Variants in ARHGEF10L observed in about 807,000 individuals in gnomAD.
ARHGEF10L encodes the protein rho guanine nucleotide exchange factor 10-like protein.
Under a neutral mutation model 141.2 loss-of-function variants are expected in ARHGEF10L, and 69 were observed. The ratio of observed to expected loss-of-function variants is 0.49; its 90% CI spans 0.40 to 0.60. ARHGEF10L has a LOEUF of 0.60. Ranked by LOEUF, ARHGEF10L falls within the 20% of genes least tolerant of loss-of-function variation. The pLI, the probability that ARHGEF10L is intolerant of heterozygous loss-of-function variation, is 0.00. For synonymous variants in ARHGEF10L, 711 were observed against 718.5 expected (o/e 0.99, Z 0.17); for missense variants, 1,482 against 1,734.3 (o/e 0.85, Z 2.58).
intron 21 of ARHGEF10L, 123 bp from the exon 22 acceptor site, chr1:17,648,431 G>C: frequency 7.9e-7 from 1 of 1,260,102 alleles, no homozygotes; most frequent in African/African-American, 1.5e-5. Flanking sequence ...AGGGTGGGGA[G>C]TGACTGGATG....
At chr1:17,559,711 G>C (rs761533985) in intron 1 of ARHGEF10L, among the ~76,000 whole-genome samples, 12 of 152,188 alleles carry the variant, frequency 7.9e-5, no homozygotes, top group Non-Finnish European at 1.5e-4. Context: ...ACTGTTGCAG[G>C]TTCCTAAGGA....
the ARHGEF10L span, among the ~76,000 whole-genome samples, chr1:17,522,319 A>G: frequency 1.3e-5 from 2 of 152,240 alleles, no homozygotes; most frequent in African/African-American, 4.8e-5. Flanking sequence ...TTACAAAGCC[A>G]GCCAACGCCG....
chr1:17,632,380 C>T lies in ARHGEF10L; in HGVS notation c.1644C>T (p.Tyr548=), dbSNP rs142947349. ...GTGAGACGTTGACGGAGACCGTGTA[C>T]GGTGACCGCGGGCAGCTAATTAAGT... ...LLCETLTETV[Y]GDRGQLIKSK... Residue 548 remains tyrosine, a synonymous_variant, in exon 16 of 29, where the codon TAC becomes TAT. Transcript: ENST00000361221. 205 of 1,614,052 alleles carry T rather than the reference C, an allele frequency of 1.3e-4. No individual in the cohort carries two copies. The Middle Eastern group carries it at 1.3e-3, about 10-fold the overall frequency.
intron 14 of ARHGEF10L, among the ~76,000 whole-genome samples, chr1:17,626,325 G>A (rs2060384713): frequency 6.6e-6 from 1 of 152,148 alleles, no homozygotes; most frequent in Non-Finnish European, 1.5e-5. Context: ...GGGAATCCCG[G>A]GACCCGCAGG....
At chr1:17,561,313 C>T (rs1393148281) in intron 1 of ARHGEF10L, among the ~76,000 whole-genome samples, 2 of 152,304 alleles carry the variant, frequency 1.3e-5, no homozygotes, top group East Asian at 3.9e-4. Context: ...CAGTCTCTCA[C>T]GGTTCTGTGG....
chr1:17,518,178 G>A, the ARHGEF10L span, among the ~76,000 whole-genome samples: 4 of 152,206 alleles, frequency 2.6e-5, no homozygotes, highest in Non-Finnish European at 5.9e-5. Context: ...GAGATGATGG[G>A]CTGGATTTGG....
chr1:17,593,310 G>C (rs779136926), intron 4 of ARHGEF10L, among the ~76,000 whole-genome samples: 2 of 152,216 alleles, frequency 1.3e-5, no homozygotes, highest in Non-Finnish European at 2.9e-5. Context: ...ACAACTGTGG[G>C]AGGCAGAATC....
chr1:17,558,604 A>C lies in ARHGEF10L; in HGVS notation c.-44+18654A>C, dbSNP rs1406783808. On this transcript the variant is annotated intron_variant, in intron 1 of 28. Coordinates refer to ENST00000361221, the MANE Select transcript of ARHGEF10L (RefSeq NM_018125.4). The surrounding 1 kb of genome is among the most constrained non-coding windows in gnomAD (Gnocchi z 4.2). ...TGGGGAATGGCTTTCAGGCCCTGGA[A>C]GGGTCTTGCCTTTGGGAAGGCAGGT... Among the ~76,000 whole-genome samples the C allele has an allele frequency of 2.0e-5, 3 of 152,182 alleles. No individual in the cohort carries two copies. The highest frequency in any genetic ancestry group is 4.4e-5 in the Non-Finnish European group (3 of 68,020).
chr1:17,614,505 T>C (rs1377937316), intron 8 of ARHGEF10L, among the ~76,000 whole-genome samples: 1 of 152,144 alleles, frequency 6.6e-6, no homozygotes, highest in Non-Finnish European at 1.5e-5. Flanking sequence ...AAAGACCACT[T>C]TGGGGGCTCG....
chr1:17,589,936 G>A (rs890778939), intron 4 of ARHGEF10L, among the ~76,000 whole-genome samples: 7 of 152,024 alleles, frequency 4.6e-5, no homozygotes, highest in Non-Finnish European at 8.8e-5. Flanking sequence ...CTGGCTCAGC[G>A]AGTGAATGGA....
the ARHGEF10L span, among the ~76,000 whole-genome samples, chr1:17,534,598 T>TC: frequency 6.6e-6 from 1 of 150,922 alleles, no homozygotes; most frequent in East Asian, 2.0e-4. Context: ...CTGATTTTTT[T>TC]TTTTTTTTTG....
intron 4 of ARHGEF10L, among the ~76,000 whole-genome samples, chr1:17,599,193 G>A (rs2080396339): frequency 6.6e-6 from 1 of 152,068 alleles, no homozygotes; most frequent in Non-Finnish European, 1.5e-5. Context: ...AAAATTAGGT[G>A]GGCATAGTGG....
At chr1:17,599,971 G>C (rs368187095) in intron 4 of ARHGEF10L, among the ~76,000 whole-genome samples, 3 of 152,212 alleles carry the variant, frequency 2.0e-5, no homozygotes. Context: ...CTGCTGCACC[G>C]GATAGGACAG....
chr1:17,612,839 G>T (rs370123100), intron 7 of ARHGEF10L, among the ~76,000 whole-genome samples: 59 of 152,336 alleles, frequency 3.9e-4, no homozygotes, highest in Middle Eastern at 3.4e-3. Flanking sequence ...GCCCCCAGCT[G>T]CCTGGCATGG....
At chr1:17,587,107 G>A (rs2079085843) in intron 2 of ARHGEF10L, among the ~76,000 whole-genome samples, 1 of 152,152 alleles carries the variant, frequency 6.6e-6, no homozygotes, top group African/African-American at 2.4e-5. Flanking sequence ...CATACAATAA[G>A]CTTGTGCTCA....
intron 26 of ARHGEF10L, among the ~76,000 whole-genome samples, chr1:17,683,073 C>T (rs778995131): frequency 6.6e-6 from 1 of 151,986 alleles, no homozygotes; most frequent in African/African-American, 2.4e-5. Context: ...TGAGGGCTTC[C>T]CCCCTGCTCT....
intron 1 of ARHGEF10L, among the ~76,000 whole-genome samples, chr1:17,555,109 G>T (rs1488339197): frequency 2.0e-5 from 3 of 152,164 alleles, no homozygotes; most frequent in Non-Finnish European, 4.4e-5. Context: ...ACTCCTCTTA[G>T]CCTCCAAGTT....
intron 1 of ARHGEF10L, among the ~76,000 whole-genome samples, chr1:17,560,658 T>C (rs1487240782): frequency 6.6e-6 from 1 of 152,222 alleles, no homozygotes; most frequent in Non-Finnish European, 1.5e-5. Context: ...CTCTGCCTTC[T>C]GGGTTCAATA....
intron 1 of ARHGEF10L, among the ~76,000 whole-genome samples, chr1:17,541,640 G>A (rs2076731276): frequency 6.6e-6 from 1 of 152,102 alleles, no homozygotes. Flanking sequence ...GGATCAGCTT[G>A]GCCAACATGG....
Sources: gnomAD v4.1 joint callset for allele counts (sites outside exome capture counted in the v4.1 genomes callset) on GRCh38, gnomAD v4.1.1 for gene constraint, Gnocchi (gnomAD v3.1) non-coding constraint, MANE v1.5 for transcripts, NCBI Gene and HGNC (gene_info 2026-07-23, HGNC 2026-07-21) for gene names.